Variants in DNAH12 observed in about 807,000 individuals in gnomAD.
DNAH12 encodes dynein axonemal heavy chain 12, also known as axonemal beta dynein heavy chain 12.
Under a neutral mutation model 371.5 loss-of-function variants are expected in DNAH12, and 285 were observed. The ratio of observed to expected loss-of-function variants is 0.77; its 90% CI spans 0.70 to 0.85. The LOEUF (loss-of-function observed/expected upper bound fraction) is 0.85, where lower values mean the gene tolerates loss of function less well. DNAH12 is among the 40% of genes least tolerant of loss of function. The pLI is 0.00. For synonymous variants in DNAH12, 1,200 were observed against 1,213.0 expected, an observed-to-expected ratio of 0.99 and a Z score of 0.22; for missense variants, 3,611 against 3,689.4, an observed-to-expected ratio of 0.98 and a Z score of 0.55.
Position 57,470,576 on chromosome 3 carries a change from A to G in DNAH12, c.1972T>C (p.Phe658Leu). Residue 658 changes from phenylalanine (F) to leucine (L), a missense_variant, in exon 16 of 74, where the codon TTT (phenylalanine) becomes CTT (leucine). Transcript: ENST00000495027. ...RIQESEEAVQ[F>L]INKEEELFKW... ...AAAAGTTCCTCTTCTTTATTAATAA[A>G]CTGCACTGCTTCTTCAGATTCCTGA... 1.9e-6 allele frequency: 3 copies of G among 1,549,454 alleles called. No homozygotes were observed. Among genetic ancestry groups the G allele is most frequent in the Non-Finnish European group, 2.6e-6 (3 of 1,146,558 alleles).
rs970021823 is a variant in DNAH12, at chr3:57,360,994, C to T, written c.9360+2600G>A. Among the ~76,000 whole-genome samples, 1,096 of 152,178 alleles carry T rather than the reference C, an allele frequency of 7.2e-3. 11 individuals are homozygous for T. Among genetic ancestry groups the T allele is most frequent in the Non-Finnish European group, 9.4e-3 (639 of 68,010 alleles). ...AACTATGAAGTGCAAAAAATAACTG[C>T]TTGCTAACGCCTTTTCTGCTTATAA... On this transcript the variant is annotated intron_variant, in intron 58 of 73. Coordinates refer to ENST00000495027, the MANE Select transcript of DNAH12 (RefSeq NM_001366028.2).
intron 2 of DNAH12, among the ~76,000 whole-genome samples, chr3:57,529,640 G>A (rs1448194035): frequency 2.6e-5 from 4 of 151,596 alleles, no homozygotes; most frequent in African/African-American, 7.3e-5. Context: ...TTCCTAGTCT[G>A]GTTAAAGGTT....
intron 30 of DNAH12, among the ~76,000 whole-genome samples, chr3:57,435,816 AAAT>A (rs1464312579): frequency 6.6e-6 from 1 of 152,148 alleles, no homozygotes; most frequent in African/African-American, 2.4e-5. Context: ...ATAATATTTA[AAAT>A]AATCCTTGGG....
chr3:57,510,744 G>C, intron 5 of DNAH12, 46 bp downstream of exon 5: 13 of 1,572,904 alleles, frequency 8.3e-6, no homozygotes, highest in Non-Finnish European at 1.1e-5. Flanking sequence ...GGGGACGGGG[G>C]GAGGCCAAGG....
chr3:57,300,985 G>T (rs991845195), intron 70 of DNAH12, among the ~76,000 whole-genome samples: 2 of 151,990 alleles, frequency 1.3e-5, no homozygotes, highest in African/African-American at 4.8e-5. Context: ...AAGAGGCACT[G>T]ATTTAAAGAC....
rs1198215805 is a variant in DNAH12 at position 57,445,208 on chromosome 3, T to C, written c.4391A>G (p.Lys1464Arg). Residue 1464 changes from lysine (K) to arginine (R), a missense_variant, in exon 28 of 74, where the codon AAA becomes AGA. Physicochemically the swap from Lys to Arg is conservative, Grantham distance 26. Transcript: ENST00000495027. ...KAVLVAAGNL[K>R]LKYPNENEDI... is the part of the protein sequence containing the mutation. The stretch of plus-strand genomic sequence containing the variant: ...TTCATTTTCATTTGGGTATTTTAGT[T>C]TTAGATTGCCAGCAGCCACTAAAAC... 3.2e-6 allele frequency: 5 copies of C among 1,548,358 alleles called. No individual in the cohort carries two copies. In the African/African-American group the frequency reaches 4.1e-5, roughly 13 times the overall value.
intron 65 of DNAH12, among the ~76,000 whole-genome samples, chr3:57,316,328 A>G (rs568694406): frequency 6.6e-6 from 1 of 152,224 alleles, no homozygotes; most frequent in East Asian, 1.9e-4. Context: ...TCTTGACCCA[A>G]TATTCCTTCC....
intron 4 of DNAH12, chr3:57,520,061 C>G: frequency 1.9e-6 from 1 of 537,034 alleles, no homozygotes; most frequent in Non-Finnish European, 3.3e-6. Flanking sequence ...AAGCCGGAGG[C>G]TGTGGCGGCT....
At chr3:57,348,686 A>G (rs1198115662) in intron 60 of DNAH12, among the ~76,000 whole-genome samples, 1 of 152,188 alleles carries the variant, frequency 6.6e-6, no homozygotes, top group Non-Finnish European at 1.5e-5. Flanking sequence ...GATATAGAAA[A>G]CTATGAAACA....
At chr3:57,327,865 A>T (rs1234412222) in intron 62 of DNAH12, among the ~76,000 whole-genome samples, 3 of 152,260 alleles carry the variant, frequency 2.0e-5, no homozygotes, top group Non-Finnish European at 4.4e-5. Flanking sequence ...GCAATAAAAA[A>T]TGATAAAGGG....
Position 57,446,663 on chromosome 3 carries a change from T to C in DNAH12, c.3813A>G (p.Gly1271=). Residue 1271 remains glycine, a synonymous_variant, in exon 26 of 74, where the codon GGA becomes GGG. Coordinates refer to ENST00000495027, the MANE Select transcript of DNAH12 (RefSeq NM_001366028.2). ...TGCCTGCTGGCCCCTCTGGAGCACC[T>C]CCAAGGTTTAAATAGAAAGCACCTA... ...TLIGAFYLNL[G]GAPEGPAGTG... 6.5e-7 allele frequency: 1 copy of C among 1,530,216 alleles called. No homozygotes were observed. Among genetic ancestry groups the C allele is most frequent in the Non-Finnish European group, 8.8e-7 (1 of 1,138,786 alleles). The allele number at this position is 1,530,216 out of a possible 1,614,324, so 94.8% of individuals were successfully genotyped here. A position where few individuals can be genotyped will look rare whatever the true frequency, so the allele number is the denominator to read the frequency against.
Position 57,419,397 on chromosome 3 carries a change from A to G in DNAH12, c.5684T>C (p.Phe1895Ser). Residue 1895 changes from phenylalanine to serine, a missense_variant, in exon 37 of 74, where the codon TTT becomes TCT. Around this residue, in one of 3 missense-constraint regions of DNAH12, gnomAD observed 2,266 missense variants for 2,236.9 expected, o/e 1.01. Coordinates refer to ENST00000495027, the MANE Select transcript of DNAH12 (RefSeq NM_001366028.2). ...VPTMDTIRYT[F>S]LMDLSITYAK... The stretch of plus-strand genomic sequence containing the variant: ...ATAGGTAATACTCAAATCCATTAGA[A>G]ACGTATATCTAATTGTGTCCATCGT... 1 of 1,506,230 alleles carries G rather than the reference A, an allele frequency of 6.6e-7. No homozygotes were observed. Among genetic ancestry groups the G allele is most frequent in the Non-Finnish European group, 8.8e-7 (1 of 1,133,000 alleles). The allele number at this position is 1,506,230 out of a possible 1,614,324, so 93.3% of individuals were successfully genotyped here.
intron 43 of DNAH12, among the ~76,000 whole-genome samples, chr3:57,395,788 A>T (rs930210277): frequency 1.1e-4 from 16 of 151,052 alleles, no homozygotes; most frequent in Middle Eastern, 3.4e-3. Flanking sequence ...CTAAAAAAAT[A>T]AAAAAAATAA....
rs2063931346 is a variant in DNAH12 at position 57,403,448 on chromosome 3, C to T, written c.6809G>A (p.Gly2270Glu). 1 of 1,551,376 alleles carries T rather than the reference C, an allele frequency of 6.4e-7. No individual in the cohort carries two copies. Among genetic ancestry groups the T allele is most frequent in the African/African-American group, 1.4e-5 (1 of 73,132 alleles). Reference sequence around the variant, plus strand: ...TCCAAGACCAACAAGCAAAGCATTTCCACCAGATTGCTTTAGAACTCGACA... The same window carrying T: ...TCCAAGACCAACAAGCAAAGCATTTTCACCAGATTGCTTTAGAACTCGACA... The part of the protein sequence containing the change: ...RICRVLKQSG[G>E]NALLVGLGGS... The change falls in exon 43 of 74, where the codon GGA (glycine) becomes GAA (glutamate). Residue 2270 changes from glycine (G) to glutamate (E), a missense_variant. Physicochemically the swap from Gly to Glu is moderately conservative, Grantham distance 98. This residue lies in a region of DNAH12 where 2,266 missense variants were observed against 2,236.9 expected (regional missense o/e 1.01). Transcript: ENST00000495027.
Position 57,458,083 on chromosome 3 carries a change from T to A in DNAH12, c.3053+16A>T. The A allele has an allele frequency of 6.5e-7, 1 of 1,540,766 alleles. No individual in the cohort carries two copies. Among genetic ancestry groups the A allele is most frequent in the Non-Finnish European group, 8.7e-7 (1 of 1,143,764 alleles). The stretch of plus-strand genomic sequence containing the variant: ...AAAATGTTTTTAATTACAGCACAAT[T>A]GATTATTTATCATACCGAGGGAAGA... On this transcript the variant is annotated intron_variant, in intron 21 of 73. Coordinates refer to ENST00000495027, the MANE Select transcript of DNAH12 (RefSeq NM_001366028.2).
At chr3:57,381,561 C>CTAATTAGATTAATTAACTAA in intron 50 of DNAH12, among the ~76,000 whole-genome samples, 1 of 151,928 alleles carries the variant, frequency 6.6e-6, no homozygotes, top group Non-Finnish European at 1.5e-5. Flanking sequence ...TAATCTAATT[C>CTAATTAGATTAATTAACTAA]TCTTATTAGC....
chr3:57,342,684 A>G (rs143672660), intron 60 of DNAH12, among the ~76,000 whole-genome samples: 3,316 of 150,290 alleles, frequency 0.022, 56 homozygotes, highest in Middle Eastern at 0.034. Context: ...GAAAGAAAAG[A>G]AAATATTTGT....
intron 63 of DNAH12, 71 bp from the exon 64 acceptor site, chr3:57,323,331 G>T: frequency 6.7e-7 from 1 of 1,486,756 alleles, no homozygotes; most frequent in Non-Finnish European, 8.9e-7. Flanking sequence ...ATGTATAGGT[G>T]TTTTATCATG....
At chr3:57,469,450 CT>C (rs2066303529) in intron 16 of DNAH12, among the ~76,000 whole-genome samples, 1 of 152,118 alleles carries the variant, frequency 6.6e-6, no homozygotes, top group African/African-American at 2.4e-5. Context: ...TAAAACAGAA[CT>C]ACCATTTGAC....
Sources: allele counts gnomAD v4.1 joint callset (sites outside exome capture counted in the v4.1 genomes callset), GRCh38; gene constraint gnomAD v4.1.1; regional missense constraint gnomAD v4.1.1; transcripts MANE v1.5; gene names NCBI Gene and HGNC (gene_info 2026-07-23, HGNC 2026-07-21).